Variants in RAB11FIP5 observed in about 807,000 individuals in gnomAD.
RAB11FIP5 encodes the protein RAB11 family interacting protein 5, also known as rab11 family-interacting protein 5.
A neutral mutation model predicts 85.1 loss-of-function variants in RAB11FIP5; 48 were observed. The ratio of observed to expected loss-of-function variants is 0.56; its 90% confidence interval spans 0.45 to 0.72. The LOEUF (loss-of-function observed/expected upper bound fraction) is 0.72, where lower values mean the gene tolerates loss of function less well. Among genes scored for constraint, RAB11FIP5 ranks in the 30% least tolerant of loss-of-function variants. The pLI is 0.00. For synonymous variants in RAB11FIP5, 729 were observed against 727.3 expected (o/e 1.00, Z -0.04); for missense variants, 1,491 against 1,687.0 (o/e 0.88, Z 2.04).
In RAB11FIP5 at chr2:73,088,343, C is replaced by A. The variant is rs1376793985; in HGVS notation, c.1275G>T (p.Gly425=). ...PGASHPGEEE[G]ARLPEGKPVQ... is the part of the protein sequence containing the mutation. ...CTGGCTTGCCCTCTGGTAGCCGGGCCCCCTCCTCCTCTCCAGGGTGGCTGG... is the reference window on the plus strand; with the variant it reads ...CTGGCTTGCCCTCTGGTAGCCGGGCACCCTCCTCCTCTCCAGGGTGGCTGG... The change falls in exon 3 of 6, where the codon GGG becomes GGT. Residue 425 remains glycine, a synonymous_variant. Coordinates refer to ENST00000486777, the MANE Select transcript of RAB11FIP5 (RefSeq NM_001371272.1). 2 of 1,613,628 alleles carry A rather than the reference C, an allele frequency of 1.2e-6. No individual in the cohort carries two copies. Among genetic ancestry groups the A allele is most frequent in the Non-Finnish European group, 1.7e-6 (2 of 1,179,988 alleles).
chr2:73,093,391 C>A (rs1360655158), intron 1 of RAB11FIP5, among the ~76,000 whole-genome samples: 1 of 152,186 alleles, frequency 6.6e-6, no homozygotes, highest in Non-Finnish European at 1.5e-5. Context: ...CCCAGGACCC[C>A]CTGGTGTTGT....
Position 73,107,380 on chromosome 2 carries a change from G to A in RAB11FIP5, c.431+4967C>T, listed in dbSNP as rs1684548743. Among the ~76,000 whole-genome samples, 4 of 152,186 alleles carry A rather than the reference G, an allele frequency of 2.6e-5. No homozygotes were observed. The South Asian group carries it at 6.2e-4, about 24-fold the overall frequency. ...GTCACAGCACTGAGGTGGCAGCAGT[G>A]ACAAGTGGGGCGGGCAGCTCCCAGC... On this transcript the variant is annotated intron_variant, in intron 1 of 5. Transcript: ENST00000486777.
intron 3 of RAB11FIP5, among the ~76,000 whole-genome samples, chr2:73,087,569 G>A (rs149316746): frequency 2.0e-3 from 299 of 152,220 alleles, no homozygotes; most frequent in Non-Finnish European, 3.6e-3. Context: ...TTTGACTCCC[G>A]TCTCCCAGAG....
intron 1 of RAB11FIP5, among the ~76,000 whole-genome samples, chr2:73,094,039 T>G (rs1467586748): frequency 6.7e-6 from 1 of 149,576 alleles, no homozygotes; most frequent in Non-Finnish European, 1.5e-5. Flanking sequence ...GAGAATCACT[T>G]GAACCTGGGA....
intron 1 of RAB11FIP5, among the ~76,000 whole-genome samples, chr2:73,103,387 T>C (rs1015336196): frequency 2.0e-5 from 3 of 152,110 alleles, no homozygotes; most frequent in African/African-American, 7.2e-5. Flanking sequence ...CTCATCCTAA[T>C]GCTGTAGGCT....
chr2:73,112,288 C>A, intron 1 of RAB11FIP5, 59 bp downstream of exon 1: 1 of 1,431,568 alleles, frequency 7.0e-7, no homozygotes. Flanking sequence ...CCTGATCCCC[C>A]ACCAGCCCCG....
At chr2:73,098,979 T>C (rs1244619286) in intron 1 of RAB11FIP5, among the ~76,000 whole-genome samples, 1 of 152,060 alleles carries the variant, frequency 6.6e-6, no homozygotes, top group Non-Finnish European at 1.5e-5. Flanking sequence ...CCTGTAGATC[T>C]CATTATTTAA....
chr2:73,107,251 A>T (rs1359032034), intron 1 of RAB11FIP5, among the ~76,000 whole-genome samples: 3 of 152,244 alleles, frequency 2.0e-5, no homozygotes, highest in African/African-American at 7.2e-5. Flanking sequence ...CCTGGAGCAG[A>T]GCCACAACAG....
intron 1 of RAB11FIP5, among the ~76,000 whole-genome samples, chr2:73,105,398 A>T (rs1452240877): frequency 6.6e-6 from 1 of 152,126 alleles, no homozygotes; most frequent in Non-Finnish European, 1.5e-5. Context: ...GTGCACCACC[A>T]TGCCCAGCTA....
chr2:73,077,345 C>G (rs1683882588), intron 4 of RAB11FIP5, among the ~76,000 whole-genome samples: 1 of 152,352 alleles, frequency 6.6e-6, no homozygotes, highest in Non-Finnish European at 1.5e-5. Flanking sequence ...AACAATCAAG[C>G]ACTGCCACCT....
At chr2:73,100,721 C>T (rs888061519) in intron 1 of RAB11FIP5, among the ~76,000 whole-genome samples, 1 of 152,048 alleles carries the variant, frequency 6.6e-6, no homozygotes, top group Non-Finnish European at 1.5e-5. Flanking sequence ...CCACCATGCC[C>T]GGCCCCAGAC....
chr2:73,111,655 A>AGGCAG lies in RAB11FIP5; in HGVS notation c.431+687_431+691dup, dbSNP rs570327217. On this transcript the variant is annotated intron_variant, in intron 1 of 5. Transcript: ENST00000486777. ...TTAACCATGCCGCTGCCTCTACCTCAGGCAGGGCAGGGCAGGCAGGCAGGC... is the reference window on the plus strand; with the variant it reads ...TTAACCATGCCGCTGCCTCTACCTCAGGCAGGGCAGGGCAGGGCAGGCAGGCAGGC... 2.9e-3 allele frequency among the ~76,000 whole-genome samples: 446 copies of AGGCAG among 152,298 alleles called. 1 individual carries two copies. The highest frequency in any genetic ancestry group is 0.01 in the African/African-American group (423 of 41,560).
chr2:73,089,257 C>G lies in RAB11FIP5; in HGVS notation c.490G>C (p.Val164Leu), dbSNP rs752899000. The G allele has an allele frequency of 6.2e-7, 1 of 1,614,156 alleles. No homozygotes were observed. The highest frequency in any genetic ancestry group is 8.5e-7 in the Non-Finnish European group (1 of 1,180,018). ...KKEKERGEIE[V>L]TIQFTRNNLS... ...TTGTTGCGCGTGAACTGGATGGTGA[C>G]TTCAATCTCGCCGCGTTCCTTCTCC... Residue 164 changes from valine to leucine, a missense_variant, in exon 2 of 6, where the codon GTC (valine) becomes CTC (leucine). By Grantham distance (32) the Val-to-Leu change is conservative. Transcript: ENST00000486777. This position sits in a 1 kb window ranked among gnomAD's most constrained non-coding sequence, Gnocchi z 4.6.
chr2:73,075,154 A>C lies in RAB11FIP5; in HGVS notation c.*367T>G. 2.0e-6 allele frequency: 1 copy of C among 497,958 alleles called. No homozygotes were observed. The highest frequency in any genetic ancestry group is 3.9e-6 in the Non-Finnish European group (1 of 258,148). 30.8% of individuals were successfully genotyped at this position (497,958 alleles called of 1,614,324 possible). On this transcript the variant is annotated 3_prime_UTR_variant, in exon 6 of 6. Coordinates refer to ENST00000486777, the MANE Select transcript of RAB11FIP5 (RefSeq NM_001371272.1). The surrounding 1 kb of genome is among the most constrained non-coding windows in gnomAD (Gnocchi z 4.6). The stretch of plus-strand genomic sequence containing the variant: ...AGAAATGGCTGACCATCCTTGGGGG[A>C]TAATAAAGTATGTGCTAGCAACCAG...
chr2:73,094,747 T>C (rs1684285097), intron 1 of RAB11FIP5, among the ~76,000 whole-genome samples: 1 of 152,198 alleles, frequency 6.6e-6, no homozygotes, highest in Non-Finnish European at 1.5e-5. Flanking sequence ...GTCTTTCTCC[T>C]GCCCAGTAAG....
chr2:73,081,809 G>C lies in RAB11FIP5; in HGVS notation c.1569-146C>G. 1.5e-6 allele frequency: 1 copy of C among 672,512 alleles called. No individual in the cohort carries two copies. Among genetic ancestry groups the C allele is most frequent in the East Asian group, 3.4e-5 (1 of 29,180 alleles). The allele number at this position is 672,512 out of a possible 1,614,324, so 41.7% of individuals were successfully genotyped here. A position where few individuals can be genotyped will look rare whatever the true frequency, so the allele number is the denominator to read the frequency against. ...TTACCTACTTGGGCCAGGGTACAGAGGGAAGACCCCAACATGTAACATTAT... is the reference window on the plus strand; with the variant it reads ...TTACCTACTTGGGCCAGGGTACAGACGGAAGACCCCAACATGTAACATTAT... On this transcript the variant is annotated intron_variant, in intron 3 of 5. Transcript: ENST00000486777. The surrounding 1 kb of genome is among the most constrained non-coding windows in gnomAD (Gnocchi z 4.2).
At chr2:73,076,839 TG>T (rs2106100367) in intron 4 of RAB11FIP5, among the ~76,000 whole-genome samples, 1 of 152,290 alleles carries the variant, frequency 6.6e-6, no homozygotes, top group East Asian at 1.9e-4. Context: ...TACCTTTCAT[TG>T]ACTCCTTAAC....
chr2:73,075,383 G>C lies in RAB11FIP5; in HGVS notation c.*138C>G, dbSNP rs1260895210. On this transcript the variant is annotated 3_prime_UTR_variant, in exon 6 of 6. Transcript: ENST00000486777. This position sits in a 1 kb window ranked among gnomAD's most constrained non-coding sequence, Gnocchi z 4.6. Reference sequence around the variant, plus strand: ...AGAGGGCCCCCTTCCAGCAGCCCCAGTTGAGGCAGGAGGGAGAGGAGCAAG... The same window carrying C: ...AGAGGGCCCCCTTCCAGCAGCCCCACTTGAGGCAGGAGGGAGAGGAGCAAG... 1.1e-6 allele frequency: 1 copy of C among 912,624 alleles called. No homozygotes were observed. Among genetic ancestry groups the C allele is most frequent in the Non-Finnish European group, 1.8e-6 (1 of 556,786 alleles). 56.5% of individuals were successfully genotyped at this position (912,624 alleles called of 1,614,324 possible). A position where few individuals can be genotyped will look rare whatever the true frequency, so the allele number is the denominator to read the frequency against.
At position 73,080,468 on chromosome 2, in the gene RAB11FIP5, C is replaced by A. The variant is rs201313478; in HGVS notation, c.2764G>T (p.Ala922Ser). ...RSQEEEEEKA[A>S]VGLSNRGPET... ...GGCCCCCTGTTACTCAGCCCCACTG[C>A]GGCCTTCTCCTCCTCCTCCTCCTGG... Residue 922 changes from alanine to serine, a missense_variant, in exon 4 of 6, where the codon GCA becomes TCA. Transcript: ENST00000486777. The A allele has an allele frequency of 8.1e-7, 1 of 1,233,728 alleles. No individual in the cohort carries two copies. The highest frequency in any genetic ancestry group is 1.0e-6 in the Non-Finnish European group (1 of 988,840). 76.4% of individuals were successfully genotyped at this position (1,233,728 alleles called of 1,614,324 possible). A position where few individuals can be genotyped will look rare whatever the true frequency, so the allele number is the denominator to read the frequency against.
Sources: allele counts gnomAD v4.1 joint callset (sites outside exome capture counted in the v4.1 genomes callset), GRCh38; gene constraint gnomAD v4.1.1; non-coding constraint Gnocchi (gnomAD v3.1); transcripts MANE v1.5; gene names NCBI Gene and HGNC (gene_info 2026-07-23, HGNC 2026-07-21).